AGPAT3: variants seen among roughly 807,000 people sequenced by gnomAD.
AGPAT3 encodes 1-acylglycerol-3-phosphate O-acyltransferase 3.
A neutral mutation model predicts 47.3 loss-of-function variants in AGPAT3; 5 were observed. That is an observed-to-expected ratio of 0.11 (90% CI 0.06 to 0.22). The LOEUF (loss-of-function observed/expected upper bound fraction) is 0.22. Among genes scored for constraint, AGPAT3 ranks in the 10% least tolerant of loss-of-function variants. The probability of loss-of-function intolerance (pLI) is 1.00; values close to 1 mark genes in which losing one functional copy is unlikely to be tolerated. For synonymous variants in AGPAT3, 212 were observed against 208.3 expected, an observed-to-expected ratio of 1.02 and a Z score of -0.15; for missense variants, 315 against 493.0, an observed-to-expected ratio of 0.64 and a Z score of 3.42.
chr21:43,931,326 A>G (rs1001012637), intron 2 of AGPAT3, among the ~76,000 whole-genome samples: 2 of 152,168 alleles, frequency 1.3e-5, no homozygotes, highest in Admixed American at 1.3e-4. Flanking sequence ...TGGAATCTTC[A>G]TGGGGTTTAT....
intron 1 of AGPAT3, among the ~76,000 whole-genome samples, chr21:43,888,850 A>G (rs1006515560): frequency 2.0e-5 from 3 of 152,196 alleles, no homozygotes; most frequent in African/African-American, 2.4e-5. Context: ...TTAGCCAGGC[A>G]TGGTGGCATG....
intron 1 of AGPAT3, among the ~76,000 whole-genome samples, chr21:43,879,136 G>A (rs2085798050): frequency 6.6e-6 from 1 of 151,992 alleles, no homozygotes; most frequent in African/African-American, 2.4e-5. Flanking sequence ...GATCACTCGA[G>A]GTCAGGAGTT....
At position 43,898,927 on chromosome 21, in the gene AGPAT3, G is replaced by A. The variant is rs368308166; in HGVS notation, c.-111-5030G>A. Reference sequence around the variant, plus strand: ...TACAGGGTTTCACCATGTTGTTCACGCTGGTCTCAAATTCCTGAACTCAAG... The same window carrying A: ...TACAGGGTTTCACCATGTTGTTCACACTGGTCTCAAATTCCTGAACTCAAG... On this transcript the variant is annotated intron_variant, in intron 1 of 9. Transcript: ENST00000291572. Among the ~76,000 whole-genome samples, 4 of 151,732 alleles carry A rather than the reference G, an allele frequency of 2.6e-5. No homozygotes were observed. The East Asian group carries it at 5.8e-4, about 22-fold the overall frequency.
chr21:43,963,643 G>A (rs561492892), intron 3 of AGPAT3, among the ~76,000 whole-genome samples: 5 of 150,554 alleles, frequency 3.3e-5, no homozygotes, highest in Non-Finnish European at 4.4e-5. Flanking sequence ...GGTCGGTGGA[G>A]GTTGCAGTGA....
intron 2 of AGPAT3, among the ~76,000 whole-genome samples, chr21:43,911,379 G>C (rs1343324361): frequency 6.6e-6 from 1 of 151,952 alleles, no homozygotes; most frequent in Admixed American, 6.6e-5. Context: ...TTTGGAAAGT[G>C]TCCTAGAGCT....
chr21:43,871,044 A>G (rs2085613725), intron 1 of AGPAT3, among the ~76,000 whole-genome samples: 1 of 152,216 alleles, frequency 6.6e-6, no homozygotes, highest in Admixed American at 6.5e-5. Flanking sequence ...TTTATATGCA[A>G]TGTATTTATT....
intron 2 of AGPAT3, among the ~76,000 whole-genome samples, chr21:43,918,127 G>A (rs1410895607): frequency 1.3e-5 from 2 of 149,438 alleles, no homozygotes; most frequent in East Asian, 2.0e-4. Context: ...GGGTGTTGTG[G>A]GGGTTGTGGG....
At chr21:43,976,583 A>G (rs2089631172) in intron 7 of AGPAT3, among the ~76,000 whole-genome samples, 1 of 152,246 alleles carries the variant, frequency 6.6e-6, no homozygotes, top group Non-Finnish European at 1.5e-5. Context: ...TTTTGAATGA[A>G]AGAGTACATT....
intron 2 of AGPAT3, among the ~76,000 whole-genome samples, chr21:43,929,946 A>G (rs948904476): frequency 2.0e-5 from 3 of 152,214 alleles, no homozygotes; most frequent in Non-Finnish European, 4.4e-5. Flanking sequence ...TGCAGCGGAC[A>G]CTGGGCTGCA....
In AGPAT3 at chr21:43,945,073, TG is replaced by T. The variant is rs553696996; in HGVS notation, c.-48-14558del. Among the ~76,000 whole-genome samples, 750 of 152,378 alleles carry T rather than the reference TG, an allele frequency of 4.9e-3. 6 individuals carry two copies. Among genetic ancestry groups the T allele is most frequent in the Non-Finnish European group, 7.4e-3 (502 of 68,038 alleles). On this transcript the variant is annotated intron_variant, in intron 2 of 9. Transcript: ENST00000291572. The stretch of plus-strand genomic sequence containing the variant: ...GTAGCCACAGTTTGGAGGCATCTGC[TG>T]GGCTAGTGCATGTTTTAACAGCACC...
intron 7 of AGPAT3, among the ~76,000 whole-genome samples, chr21:43,976,981 C>A (rs1396690863): frequency 6.6e-6 from 1 of 152,248 alleles, no homozygotes; most frequent in Admixed American, 6.5e-5. Context: ...TTTAATATAT[C>A]ATATGTGAGC....
rs1055585001 is a variant in AGPAT3, at chr21:43,907,422, A to G, written c.-49+3403A>G. ...ATTACACTTTAACAAAAAGTTTCCCATAAAACTGTGCCATACCAGGTACGG... is the reference window on the plus strand; with the variant it reads ...ATTACACTTTAACAAAAAGTTTCCCGTAAAACTGTGCCATACCAGGTACGG... On this transcript the variant is annotated intron_variant, in intron 2 of 9. Coordinates refer to ENST00000291572, the MANE Select transcript of AGPAT3 (RefSeq NM_020132.5). 2.6e-5 allele frequency among the ~76,000 whole-genome samples: 4 copies of G among 152,134 alleles called. No homozygotes were observed. In the South Asian group the frequency reaches 8.3e-4, roughly 32 times the overall value.
At chr21:43,943,721 G>A (rs1408849189) in intron 2 of AGPAT3, among the ~76,000 whole-genome samples, 1 of 152,212 alleles carries the variant, frequency 6.6e-6, no homozygotes, top group Non-Finnish European at 1.5e-5. Context: ...GCACCCCCGG[G>A]AGGGGAGGTT....
chr21:43,938,811 C>A (rs987423538), intron 2 of AGPAT3, among the ~76,000 whole-genome samples: 2 of 152,158 alleles, frequency 1.3e-5, no homozygotes, highest in Non-Finnish European at 2.9e-5. Context: ...AGTGGCTTAG[C>A]GGGCGATTCT....
At chr21:43,875,539 A>C (rs1245571151) in intron 1 of AGPAT3, among the ~76,000 whole-genome samples, 3 of 152,162 alleles carry the variant, frequency 2.0e-5, no homozygotes, top group African/African-American at 7.2e-5. Context: ...GCTTCATTCC[A>C]GGTTATTTCT....
intron 1 of AGPAT3, among the ~76,000 whole-genome samples, chr21:43,871,895 T>C (rs1409719447): frequency 6.6e-6 from 1 of 152,242 alleles, no homozygotes; most frequent in East Asian, 1.9e-4. Flanking sequence ...ATAGTTTTAA[T>C]GTAATGTATA....
At chr21:43,977,521 C>T (rs1290421971) in intron 7 of AGPAT3, among the ~76,000 whole-genome samples, 1 of 152,080 alleles carries the variant, frequency 6.6e-6, no homozygotes, top group Non-Finnish European at 1.5e-5. Flanking sequence ...CGCCATGCCA[C>T]GCTGACTGTG....
chr21:43,969,046 G>T, intron 4 of AGPAT3, 72 bp from the exon 5 acceptor site: 1 of 1,521,306 alleles, frequency 6.6e-7, no homozygotes, highest in South Asian at 1.2e-5. Context: ...TGGGTGCAGC[G>T]GGAGCCTGGC....
intron 2 of AGPAT3, among the ~76,000 whole-genome samples, chr21:43,928,913 T>G (rs979264963): frequency 6.6e-6 from 1 of 152,198 alleles, no homozygotes; most frequent in Non-Finnish European, 1.5e-5. Flanking sequence ...CCACCCTAGG[T>G]GGCTCCGGCA....
Sources: allele counts gnomAD v4.1 joint callset (sites outside exome capture counted in the v4.1 genomes callset), GRCh38; gene constraint gnomAD v4.1.1; transcripts MANE v1.5; gene names NCBI Gene and HGNC (gene_info 2026-07-23, HGNC 2026-07-21).